The following TENM3 variants were observed in gnomAD, a reference collection of about 807,000 sequenced individuals.
TENM3 encodes the protein teneurin-3.
TENM3 carries 63 observed loss-of-function variants against 255.1 expected under a neutral mutation model. The ratio of observed to expected loss-of-function variants is 0.25; its 90% confidence interval spans 0.20 to 0.30. The LOEUF (loss-of-function observed/expected upper bound fraction) is 0.30. Ranked by LOEUF, TENM3 falls within the 10% of genes least tolerant of loss-of-function variation. The probability of loss-of-function intolerance (pLI) is 1.00; values close to 1 mark genes in which losing one functional copy is unlikely to be tolerated. For missense variants in TENM3, 2,929 were observed against 3,461.1 expected, an observed-to-expected ratio of 0.85 and a Z score of 3.86; for synonymous variants, 1,306 against 1,322.3, an observed-to-expected ratio of 0.99 and a Z score of 0.27.
At chr4:181,861,811 AT>A in the TENM3 span, among the ~76,000 whole-genome samples, 1 of 152,114 alleles carries the variant, frequency 6.6e-6, no homozygotes, top group Non-Finnish European at 1.5e-5. Context: ...TACCCCAGTT[AT>A]TTTAAGTAAT....
the TENM3 span, among the ~76,000 whole-genome samples, chr4:181,798,340 G>T: frequency 0.01 from 1,546 of 151,600 alleles, 10 homozygotes; most frequent in South Asian, 0.046. Context: ...ATGGAGTCTT[G>T]CTCTGTCACC....
intron 3 of TENM3, among the ~76,000 whole-genome samples, chr4:182,515,188 G>A (rs1580798003): frequency 6.6e-6 from 1 of 152,144 alleles, no homozygotes; most frequent in African/African-American, 2.4e-5. Flanking sequence ...AGGAAAGTGA[G>A]GCAAAGAAGT....
the TENM3 span, among the ~76,000 whole-genome samples, chr4:181,922,633 T>G: frequency 6.1e-3 from 932 of 152,276 alleles, 4 homozygotes; most frequent in African/African-American, 0.021. Context: ...CTTTTCTTCT[T>G]TATTAGTCTT....
chr4:181,849,949 T>TCTCTCTCTCTCTCTCTCTCACA, the TENM3 span, among the ~76,000 whole-genome samples: 28 of 65,958 alleles, frequency 4.2e-4, no homozygotes, highest in East Asian at 1.5e-3. Context: ...TCTCTCTCTC[T>TCTCTCTCTCTCTCTCTCTCACA]CACACACACA....
In TENM3 at chr4:182,758,078, C is replaced by T. The variant is rs541682953; in HGVS notation, c.4892+2819C>T. ...CAGAAAGACTGCTTTTAAAAACCAG[C>T]GTTTTGTTAATTTTCCTCATAAGCT... On this transcript the variant is annotated intron_variant, in intron 22 of 27. Transcript: ENST00000511685. Among the ~76,000 whole-genome samples, 8 of 152,140 alleles carry T rather than the reference C, an allele frequency of 5.3e-5. No homozygotes were observed. In the East Asian group the frequency reaches 7.7e-4, roughly 15 times the overall value.
chr4:181,609,454 A>G, the TENM3 span, among the ~76,000 whole-genome samples: 11 of 152,142 alleles, frequency 7.2e-5, no homozygotes, highest in African/African-American at 2.7e-4. Context: ...TTTTTCACTT[A>G]GTGTTCTTAC....
chr4:182,358,444 A>T (rs896571651), intron 3 of TENM3, among the ~76,000 whole-genome samples: 3 of 151,938 alleles, frequency 2.0e-5, no homozygotes, highest in African/African-American at 4.8e-5. Context: ...ATCCCTTGTA[A>T]GGTGGATTCC....
chr4:181,473,645 T>C, the TENM3 span, among the ~76,000 whole-genome samples: 97 of 149,468 alleles, frequency 6.5e-4, no homozygotes, highest in African/African-American at 2.1e-3. Context: ...CTTGAGCAGA[T>C]TTTGGGTCTT....
At chr4:182,740,771 C>T (rs1761540861) in intron 18 of TENM3, among the ~76,000 whole-genome samples, 1 of 152,180 alleles carries the variant, frequency 6.6e-6, no homozygotes, top group African/African-American at 2.4e-5. Flanking sequence ...TATAAATACA[C>T]ACATATTCTA....
chr4:181,832,404 C>A, the TENM3 span, among the ~76,000 whole-genome samples: 1 of 152,284 alleles, frequency 6.6e-6, no homozygotes, highest in Non-Finnish European at 1.5e-5. Flanking sequence ...TTCTAACTAG[C>A]TTAAAGCATA....
the TENM3 span, among the ~76,000 whole-genome samples, chr4:181,966,048 A>G: frequency 6.6e-6 from 1 of 152,300 alleles, no homozygotes; most frequent in African/African-American, 2.4e-5. Flanking sequence ...AGCTTTTATC[A>G]ATTTCTTAAA....
At chr4:182,532,030 C>T (rs1739830790) in intron 3 of TENM3, among the ~76,000 whole-genome samples, 1 of 152,048 alleles carries the variant, frequency 6.6e-6, no homozygotes, top group Non-Finnish European at 1.5e-5. Flanking sequence ...AGGCCAAAGC[C>T]CAAGGAAAAT....
chr4:182,714,146 C>T lies in TENM3; in HGVS notation c.2281C>T (p.His761Tyr), dbSNP rs368352303. ...GRCTLDQNGW[H>Y]CVCQPGWRGA... ...ATGTACCCTGGACCAAAATGGCTGG[C>T]ATTGTGTGTGCCAGCCTGGATGGAG... The change falls in exon 13 of 28, where the codon CAT (histidine) becomes TAT (tyrosine). Residue 761 changes from histidine to tyrosine, a missense_variant. By Grantham distance (83) the His-to-Tyr change is moderately conservative (BLOSUM62 2). Transcript: ENST00000511685. The T allele has an allele frequency of 2.6e-5, 42 of 1,613,530 alleles. No homozygotes were observed. The highest frequency in any genetic ancestry group is 3.5e-5 in the Non-Finnish European group (41 of 1,179,698).
intron 3 of TENM3, among the ~76,000 whole-genome samples, chr4:182,386,569 G>C (rs1169281939): frequency 6.6e-6 from 1 of 152,186 alleles, no homozygotes. Flanking sequence ...AGGGAGAGGC[G>C]CGAGCAGGAA....
the TENM3 span, among the ~76,000 whole-genome samples, chr4:181,918,865 C>T: frequency 5.9e-5 from 9 of 152,208 alleles, no homozygotes; most frequent in East Asian, 1.7e-3. Flanking sequence ...CCTCAAAAGG[C>T]TTGCAACGTA....
chr4:182,735,764 G>A (rs946875906), intron 16 of TENM3, among the ~76,000 whole-genome samples: 2 of 151,978 alleles, frequency 1.3e-5, no homozygotes, highest in African/African-American at 4.8e-5. Context: ...ACTAACAGGA[G>A]CATTGGTAAA....
chr4:182,092,970 G>A, the TENM3 span, among the ~76,000 whole-genome samples: 7 of 152,130 alleles, frequency 4.6e-5, no homozygotes, highest in Non-Finnish European at 1.0e-4. Flanking sequence ...TCCACTGTGT[G>A]CCCAGAAGCT....
intron 14 of TENM3, 26 bp from the exon 15 acceptor site, chr4:182,730,172 CAT>C: frequency 6.2e-7 from 1 of 1,612,674 alleles, no homozygotes; most frequent in Non-Finnish European, 8.5e-7. Context: ...GACAGATGTT[CAT>C]TCTCATTCTT....
At chr4:182,655,864 C>T (rs1176551514) in intron 6 of TENM3, among the ~76,000 whole-genome samples, 1 of 152,144 alleles carries the variant, frequency 6.6e-6, no homozygotes, top group African/African-American at 2.4e-5. Flanking sequence ...AAATATGCTT[C>T]CCAAAATAAT....
Sources: allele counts gnomAD v4.1 joint callset (sites outside exome capture counted in the v4.1 genomes callset), GRCh38; gene constraint gnomAD v4.1.1; transcripts MANE v1.5; gene names NCBI Gene and HGNC (gene_info 2026-07-23, HGNC 2026-07-21).